INO80: variants seen among roughly 807,000 people sequenced by gnomAD.
INO80 encodes the protein INO80 complex ATPase subunit.
INO80 carries 20 observed loss-of-function variants against 203.4 expected under a neutral mutation model. The ratio of observed to expected loss-of-function variants is 0.10; its 90% CI spans 0.07 to 0.14. The LOEUF (loss-of-function observed/expected upper bound fraction) is 0.14, where lower values mean the gene tolerates loss of function less well. Among genes scored for constraint, INO80 ranks in the 10% least tolerant of loss-of-function variants. The pLI, the probability that INO80 is intolerant of heterozygous loss-of-function variation, is 1.00. For missense variants in INO80, 1,419 were observed against 1,914.4 expected (o/e 0.74, Z 4.83); for synonymous variants, 726 against 685.2 (o/e 1.06, Z -0.93).
intron 28 of INO80, among the ~76,000 whole-genome samples, chr15:41,000,706 CAAAAAAAAAAAAAAAA>C (rs58232890): frequency 3.5e-5 from 2 of 56,826 alleles, no homozygotes; most frequent in Non-Finnish European, 7.0e-5. Flanking sequence ...CACCCTGTCT[CAAAAAAAAAAAAAAAA>C]AAAAAAAAGA....
chr15:41,020,430 G>A (rs889078832), intron 26 of INO80, among the ~76,000 whole-genome samples: 1 of 152,136 alleles, frequency 6.6e-6, no homozygotes, highest in African/African-American at 2.4e-5. Flanking sequence ...GACCCTAGGG[G>A]ATCTGGGAAT....
chr15:41,062,180 C>A (rs547519605), intron 14 of INO80, among the ~76,000 whole-genome samples: 1 of 152,008 alleles, frequency 6.6e-6, no homozygotes, highest in Non-Finnish European at 1.5e-5. Context: ...GCATATAAGT[C>A]GAGACAAAAG....
rs1416941198 is a variant in INO80 at position 41,005,696 on chromosome 15, C to G, written c.3403-9G>C. 6.7e-7 allele frequency: 1 copy of G among 1,490,794 alleles called. No homozygotes were observed. The highest frequency in any genetic ancestry group is 1.4e-5 in the African/African-American group (1 of 72,288). 92.3% of individuals were successfully genotyped at this position (1,490,794 alleles called of 1,614,324 possible). A position where few individuals can be genotyped will look rare whatever the true frequency, so the allele number is the denominator to read the frequency against. ...CTGTAAACCATGTATTCCTGCCAAC[C>G]AGGATAAAAGGACACAGTAAATCTG... On this transcript the variant is annotated splice_polypyrimidine_tract_variant and intron_variant, in intron 27 of 35. Coordinates refer to ENST00000648947, the MANE Select transcript of INO80 (RefSeq NM_017553.3).
At position 41,074,452 on chromosome 15, in the gene INO80, T is replaced by C; in HGVS notation, c.1245A>G (p.Leu415=). The C allele has an allele frequency of 3.1e-6, 5 of 1,614,084 alleles. No homozygotes were observed. The highest frequency in any genetic ancestry group is 4.2e-6 in the Non-Finnish European group (5 of 1,179,964). The part of the protein sequence containing the change: ...MGHDGIQEEI[L]RKLEDSSTQR... ...GGGTAGAACTGTCTTCCAGTTTCCT[T>C]AGGATTTCTTCCTGGATACCATCAT... Residue 415 remains leucine, a synonymous_variant, in exon 10 of 36, where the codon CTA becomes CTG. Coordinates refer to ENST00000648947, the MANE Select transcript of INO80 (RefSeq NM_017553.3).
intron 26 of INO80, among the ~76,000 whole-genome samples, chr15:41,020,640 CT>C (rs11369722): frequency 1.6e-4 from 23 of 146,914 alleles, no homozygotes; most frequent in African/African-American, 5.5e-4. Context: ...TTATTTCTAC[CT>C]TTTTTTTTTT....
intron 24 of INO80, among the ~76,000 whole-genome samples, chr15:41,032,047 GCACAGCACAGC>G (rs2044492260): frequency 1.0e-5 from 1 of 97,400 alleles, no homozygotes; most frequent in African/African-American, 3.7e-5. Context: ...GCACAGCACA[GCACAGCACAGC>G]ACAGGACAGC....
intron 7 of INO80, among the ~76,000 whole-genome samples, chr15:41,082,246 G>A (rs1437462209): frequency 5.8e-5 from 7 of 120,394 alleles, no homozygotes; most frequent in African/African-American, 7.1e-5. Flanking sequence ...GCAAAACTCC[G>A]TCTCAAAAAA....
At position 40,980,412 on chromosome 15, in the gene INO80, T is replaced by G; in HGVS notation, c.4482A>C (p.Thr1494=). Residue 1494 remains threonine, a synonymous_variant, in exon 36 of 36, where the codon ACA becomes ACC. Coordinates refer to ENST00000648947, the MANE Select transcript of INO80 (RefSeq NM_017553.3). ...CAAGGCCAGCAGGCCGAACAAGGGATGTCTGCAGAGGACTGCTGGCGGAGA... is the reference window on the plus strand; with the variant it reads ...CAAGGCCAGCAGGCCGAACAAGGGAGGTCTGCAGAGGACTGCTGGCGGAGA... The part of the protein sequence containing the change: ...KGISASSPLQ[T]SLVRPAGLAD... 6.2e-7 allele frequency: 1 copy of G among 1,613,654 alleles called. No homozygotes were observed. The highest frequency in any genetic ancestry group is 8.5e-7 in the Non-Finnish European group (1 of 1,179,992).
chr15:41,041,338 G>A lies in INO80; in HGVS notation c.2907+3566C>T, dbSNP rs760996640. ...ACTCCTGGGCTCAAGCGATCATCCC[G>A]CCTCAGCCTCCCAAAGTGCTGGAAT... On this transcript the variant is annotated intron_variant, in intron 24 of 35. Transcript: ENST00000648947. Among the ~76,000 whole-genome samples, 14 of 151,986 alleles carry A rather than the reference G, an allele frequency of 9.2e-5. No individual in the cohort carries two copies. In the East Asian group the frequency reaches 1.2e-3, roughly 13 times the overall value.
At chr15:41,103,985 G>A (rs2045844325) in intron 1 of INO80, among the ~76,000 whole-genome samples, 1 of 151,864 alleles carries the variant, frequency 6.6e-6, no homozygotes, top group East Asian at 1.9e-4. Flanking sequence ...GGAGGCCAAG[G>A]AAGGCTGATC....
intron 9 of INO80, among the ~76,000 whole-genome samples, chr15:41,078,279 T>C (rs1388203895): frequency 1.3e-5 from 2 of 152,162 alleles, no homozygotes; most frequent in Admixed American, 6.5e-5. Context: ...AGAAAGGATA[T>C]GTCAAAATTT....
At chr15:41,064,369 T>C (rs903194822) in intron 14 of INO80, among the ~76,000 whole-genome samples, 1 of 152,162 alleles carries the variant, frequency 6.6e-6, no homozygotes, top group African/African-American at 2.4e-5. Flanking sequence ...TGTTTGAAAA[T>C]TATGAATTAC....
intron 29 of INO80, among the ~76,000 whole-genome samples, chr15:40,993,756 C>T (rs1046675098): frequency 1.5e-5 from 2 of 136,776 alleles, no homozygotes; most frequent in Admixed American, 1.6e-4. Context: ...AAGACTCTGT[C>T]TCAAAAAATA....
At chr15:41,055,755 G>T (rs887798885) in intron 17 of INO80, among the ~76,000 whole-genome samples, 2 of 151,984 alleles carry the variant, frequency 1.3e-5, no homozygotes, top group African/African-American at 4.8e-5. Flanking sequence ...TGGCCTGTTG[G>T]GCCAAGTCTG....
rs900246291 is a variant in INO80, at chr15:41,091,828, A to G, written c.537+199T>C. ...GCCACCACACCCAGCTAAATTTTGT[A>G]TTTTTAGTAGACAGGGGGTTTCACC... On this transcript the variant is annotated intron_variant, in intron 5 of 35. Coordinates refer to ENST00000648947, the MANE Select transcript of INO80 (RefSeq NM_017553.3). Among the ~76,000 whole-genome samples the G allele has an allele frequency of 1.5e-3, 228 of 151,340 alleles. 1 individual carries two copies. The highest frequency in any genetic ancestry group is 5.3e-3 in the African/African-American group (218 of 41,174).
intron 1 of INO80, among the ~76,000 whole-genome samples, chr15:41,113,868 T>C (rs1297999865): frequency 2.6e-5 from 4 of 152,260 alleles, no homozygotes; most frequent in South Asian, 2.1e-4. Flanking sequence ...ACTACAATTA[T>C]TTCCTATCAC....
intron 32 of INO80, among the ~76,000 whole-genome samples, chr15:40,984,859 T>G (rs1332766030): frequency 6.6e-6 from 1 of 152,194 alleles, no homozygotes; most frequent in Non-Finnish European, 1.5e-5. Context: ...AGACAAATTT[T>G]TAAGACAGTT....
At chr15:41,049,538 T>C in intron 20 of INO80, 118 bp from the exon 21 acceptor site, 1 of 909,564 alleles carries the variant, frequency 1.1e-6, no homozygotes, top group East Asian at 2.5e-5. Flanking sequence ...CATTTTCATC[T>C]CATTAATAGC....
chr15:41,069,490 G>A, intron 14 of INO80, 80 bp downstream of exon 14: 1 of 821,816 alleles, frequency 1.2e-6, no homozygotes, highest in Admixed American at 2.6e-5. Context: ...ACTGTTATGA[G>A]TAATTAGTAG....
Sources: gnomAD v4.1 joint callset for allele counts (sites outside exome capture counted in the v4.1 genomes callset) on GRCh38, gnomAD v4.1.1 for gene constraint, MANE v1.5 for transcripts, NCBI Gene and HGNC (gene_info 2026-07-23, HGNC 2026-07-21) for gene names.